Variants in CCDC60 observed in about 807,000 individuals in gnomAD.
CCDC60 encodes coiled-coil domain containing 60.
CCDC60 carries 54 observed loss-of-function variants against 63.5 expected under a neutral mutation model. That is an observed-to-expected ratio of 0.85 (90% confidence interval 0.68 to 1.07). CCDC60 has a LOEUF of 1.07. CCDC60 is among the 50% of genes least tolerant of loss of function. The pLI is 0.00. For synonymous variants in CCDC60, 206 were observed against 238.8 expected (o/e 0.86, Z 1.27); for missense variants, 651 against 684.3 (o/e 0.95, Z 0.54).
intron 5 of CCDC60, 123 bp from the exon 6 acceptor site, chr12:119,499,954 TG>T (rs1269768976): frequency 1.2e-5 from 9 of 747,710 alleles, no homozygotes; most frequent in South Asian, 1.1e-4. Context: ...AGTAGAGGAG[TG>T]GGGGAGGAAA....
At chr12:119,526,247 T>C (rs1952673264) in intron 11 of CCDC60, among the ~76,000 whole-genome samples, 2 of 152,106 alleles carry the variant, frequency 1.3e-5, no homozygotes, top group Admixed American at 1.3e-4. Context: ...CCTTACACCA[T>C]AAATAAAAAT....
chr12:119,414,015 A>G (rs953478792), intron 1 of CCDC60, among the ~76,000 whole-genome samples: 36 of 151,586 alleles, frequency 2.4e-4, no homozygotes, highest in South Asian at 1.0e-3. Context: ...TGCACTGTCT[A>G]TCACTCTGGT....
chr12:119,503,881 G>C (rs974037660), intron 6 of CCDC60, among the ~76,000 whole-genome samples: 2 of 152,102 alleles, frequency 1.3e-5, no homozygotes, highest in Admixed American at 6.5e-5. Flanking sequence ...ACCTTTCCCA[G>C]GGTGTCAAAC....
chr12:119,385,988 T>C (rs1956055965), intron 1 of CCDC60, among the ~76,000 whole-genome samples: 1 of 152,176 alleles, frequency 6.6e-6, no homozygotes, highest in South Asian at 2.1e-4. Context: ...CAGAGCCCAG[T>C]TAAGATATAG....
At chr12:119,533,262 G>A (rs1049542943) in intron 13 of CCDC60, among the ~76,000 whole-genome samples, 7 of 151,902 alleles carry the variant, frequency 4.6e-5, no homozygotes, top group African/African-American at 9.7e-5. Flanking sequence ...TTTTGATGGC[G>A]TTGTTTATTT....
chr12:119,468,309 T>A (rs556959), intron 2 of CCDC60, among the ~76,000 whole-genome samples: 78,902 of 150,894 alleles, frequency 0.52, 21,441 homozygotes, highest in East Asian at 0.84. Context: ...AAAAATTTTT[T>A]AAAAAAAAGC....
At chr12:119,525,807 G>A (rs1177009990) in intron 11 of CCDC60, among the ~76,000 whole-genome samples, 1 of 152,096 alleles carries the variant, frequency 6.6e-6, no homozygotes, top group African/African-American at 2.4e-5. Flanking sequence ...TGAGTAGGAA[G>A]AATCAATATC....
In CCDC60 at chr12:119,335,108, A is replaced by T; in HGVS notation, c.-69A>T. The T allele has an allele frequency of 7.8e-7, 1 of 1,275,518 alleles. No individual in the cohort carries two copies. Among genetic ancestry groups the T allele is most frequent in the Non-Finnish European group, 1.1e-6 (1 of 899,642 alleles). The allele number at this position is 1,275,518 out of a possible 1,614,324, so 79.0% of individuals were successfully genotyped here. ...GCCGAAACTTCTCATACCAGTAACTACTGAAGTAGAAGATTCTGGAAAAAT... is the reference window on the plus strand; with the variant it reads ...GCCGAAACTTCTCATACCAGTAACTTCTGAAGTAGAAGATTCTGGAAAAAT... On this transcript the variant is annotated 5_prime_UTR_variant, in exon 1 of 14. Coordinates refer to ENST00000327554, the MANE Select transcript of CCDC60 (RefSeq NM_178499.5).
rs572976028 is a variant in CCDC60, at chr12:119,381,500, C to T, written c.90+46234C>T. 1.1e-3 allele frequency among the ~76,000 whole-genome samples: 167 copies of T among 152,300 alleles called. 1 individual carries two copies. The highest frequency in any genetic ancestry group is 3.8e-3 in the African/African-American group (158 of 41,542). ...TGCCTTAAATCTCTGGAATTACTGT[C>T]TCTAGCTCCCTATCTTTGTCCTTTG... is the stretch of plus-strand genomic sequence containing the variant. On this transcript the variant is annotated intron_variant, in intron 1 of 13. Transcript: ENST00000327554.
intron 1 of CCDC60, among the ~76,000 whole-genome samples, chr12:119,345,871 G>A (rs914973649): frequency 6.6e-6 from 1 of 151,770 alleles, no homozygotes; most frequent in African/African-American, 2.4e-5. Context: ...TGGCTGGAGT[G>A]CAGTGGCGCG....
At chr12:119,423,693 G>A (rs1956853510) in intron 1 of CCDC60, among the ~76,000 whole-genome samples, 1 of 152,222 alleles carries the variant, frequency 6.6e-6, no homozygotes, top group South Asian at 2.1e-4. Flanking sequence ...GGAGATGGTA[G>A]AGGTTTCCTT....
intron 2 of CCDC60, among the ~76,000 whole-genome samples, chr12:119,468,468 C>T (rs1369025846): frequency 1.3e-5 from 2 of 152,094 alleles, no homozygotes; most frequent in African/African-American, 4.8e-5. Context: ...ATGACTGATC[C>T]TTGCCTGCAA....
intron 2 of CCDC60, among the ~76,000 whole-genome samples, chr12:119,449,213 G>C (rs894605561): frequency 1.3e-5 from 2 of 152,174 alleles, no homozygotes; most frequent in African/African-American, 4.8e-5. Context: ...TGTGTAACTT[G>C]ATATTAAATG....
chr12:119,344,847 T>TCTCTCTCA (rs1955571908), intron 1 of CCDC60, among the ~76,000 whole-genome samples: 1 of 110,572 alleles, frequency 9.0e-6, no homozygotes, highest in African/African-American at 3.4e-5. Flanking sequence ...TCTCTCTCTC[T>TCTCTCTCA]CTCTCTCTCA....
At chr12:119,387,219 CCACA>C (rs1280388480) in intron 1 of CCDC60, among the ~76,000 whole-genome samples, 1 of 152,118 alleles carries the variant, frequency 6.6e-6, no homozygotes, top group Non-Finnish European at 1.5e-5. Flanking sequence ...AGTAATTGTG[CCACA>C]CACATGAAAA....
chr12:119,342,959 A>ACAGCCTCCAAAGACT (rs371161546), intron 1 of CCDC60, among the ~76,000 whole-genome samples: 413 of 152,340 alleles, frequency 2.7e-3, no homozygotes, highest in African/African-American at 9.6e-3. Context: ...CAACATCCCC[A>ACAGCCTCCAAAGACT]CAGCCATCAG....
chr12:119,407,638 C>A (rs986135318), intron 1 of CCDC60, among the ~76,000 whole-genome samples: 1 of 152,180 alleles, frequency 6.6e-6, no homozygotes, highest in African/African-American at 2.4e-5. Context: ...ACTTGCTTAC[C>A]TTGGAAACGA....
Position 119,363,205 on chromosome 12 carries a change from T to C in CCDC60, c.90+27939T>C, listed in dbSNP as rs76004900. 8.1e-3 allele frequency among the ~76,000 whole-genome samples: 1,237 copies of C among 152,334 alleles called. 15 individuals are homozygous for C. Among genetic ancestry groups the C allele is most frequent in the African/African-American group, 0.028 (1,169 of 41,574 alleles). On this transcript the variant is annotated intron_variant, in intron 1 of 13. Transcript: ENST00000327554. ...CATATCCTCATCAAAATTTAGTCTT[T>C]CTTATTTTAGCCTCTCTGGTGAGTG... is the stretch of plus-strand genomic sequence containing the variant.
chr12:119,467,223 T>C lies in CCDC60; in HGVS notation c.171-4771T>C, dbSNP rs376985330. Among the ~76,000 whole-genome samples, 3 of 152,362 alleles carry C rather than the reference T, an allele frequency of 2.0e-5. No individual in the cohort carries two copies. The East Asian group carries it at 5.8e-4, about 29-fold the overall frequency. On this transcript the variant is annotated intron_variant, in intron 2 of 13. Transcript: ENST00000327554. ...TCTACCACCAGCTCACCCTTGATTCTTTCCTGGGTGAAGCCAAGCACCCTC... is the reference window on the plus strand; with the variant it reads ...TCTACCACCAGCTCACCCTTGATTCCTTCCTGGGTGAAGCCAAGCACCCTC...
Sources: gnomAD v4.1 joint callset for allele counts (sites outside exome capture counted in the v4.1 genomes callset) on GRCh38, gnomAD v4.1.1 for gene constraint, MANE v1.5 for transcripts, NCBI Gene and HGNC (gene_info 2026-07-23, HGNC 2026-07-21) for gene names.